Variants in AKNA observed in about 807,000 individuals in gnomAD.
The protein encoded by AKNA is AT-hook transcription factor.
Under a neutral mutation model 138.8 loss-of-function variants are expected in AKNA, and 67 were observed. The observed-to-expected ratio is 0.48, with a 90% CI of 0.40 to 0.59. The LOEUF (loss-of-function observed/expected upper bound fraction) is 0.59. Among genes scored for constraint, AKNA ranks in the 20% least tolerant of loss-of-function variants. AKNA has a pLI of 0.00. For synonymous variants in AKNA, 737 were observed against 754.4 expected (o/e 0.98, Z 0.38); for missense variants, 1,813 against 1,880.4 (o/e 0.96, Z 0.66).
rs1351363437 is a variant in AKNA at position 114,377,096 on chromosome 9, C to G, written c.711G>C (p.Glu237Asp). 1 of 1,614,140 alleles carries G rather than the reference C, an allele frequency of 6.2e-7. No homozygotes were observed. Among genetic ancestry groups the G allele is most frequent in the South Asian group, 1.1e-5 (1 of 91,086 alleles). The change falls in exon 3 of 22, where the codon GAG becomes GAC. Residue 237 changes from glutamate (E) to aspartate (D), a missense_variant. By Grantham distance (45) the Glu-to-Asp change is conservative. Coordinates refer to ENST00000374088, the MANE Select transcript of AKNA (RefSeq NM_001317950.2). ...GGCTTAGGAGGTGGTGGCTGGGGCCCTCTGGCAAGGTTTCTGCCAGGGCAG... is the reference window on the plus strand; with the variant it reads ...GGCTTAGGAGGTGGTGGCTGGGGCCGTCTGGCAAGGTTTCTGCCAGGGCAG... ...QPTALAETLPEGPSHHLLSPD... is the reference protein window; with the variant it reads ...QPTALAETLPDGPSHHLLSPD...
rs183793963 is a variant in AKNA, at chr9:114,381,947, C to T, written c.-113-501G>A. Among the ~76,000 whole-genome samples the T allele has an allele frequency of 1.2e-3, 189 of 152,274 alleles. 1 individual carries two copies. Among genetic ancestry groups the T allele is most frequent in the Non-Finnish European group, 2.4e-3 (160 of 68,022 alleles). ...TACAGGTGTGAGCCACCATGCCCGG[C>T]CCCCTCCAGGGTTTTATAAACTAGA... On this transcript the variant is annotated intron_variant, in intron 1 of 21. Coordinates refer to ENST00000374088, the MANE Select transcript of AKNA (RefSeq NM_001317950.2).
intron 2 of AKNA, among the ~76,000 whole-genome samples, chr9:114,379,453 A>G (rs1833479728): frequency 6.6e-6 from 1 of 152,164 alleles, no homozygotes; most frequent in East Asian, 1.9e-4. Context: ...GACCCAGTGC[A>G]TCTCAGTCAC....
At chr9:114,364,452 T>A (rs1832191959) in intron 7 of AKNA, 108 bp downstream of exon 7, 1 of 1,145,514 alleles carries the variant, frequency 8.7e-7, no homozygotes, top group South Asian at 1.2e-5. Context: ...AGACCCTGTG[T>A]CTGGGATTCT....
intron 21 of AKNA, among the ~76,000 whole-genome samples, chr9:114,340,286 A>C (rs1422702737): frequency 6.6e-6 from 1 of 152,164 alleles, no homozygotes; most frequent in African/African-American, 2.4e-5. Context: ...ATCCAGTCCC[A>C]ATCGACTCAT....
Position 114,352,320 on chromosome 9 carries a change from G to A in AKNA, c.3059-1299C>T, listed in dbSNP as rs573700914. ...CAAATAAAAAGTTTAATTAAAGGCC[G>A]GGCGTGGCGGCTCACACCTATAATC... On this transcript the variant is annotated intron_variant, in intron 14 of 21. Coordinates refer to ENST00000374088, the MANE Select transcript of AKNA (RefSeq NM_001317950.2). Among the ~76,000 whole-genome samples, 45 of 152,302 alleles carry A rather than the reference G, an allele frequency of 3.0e-4. 3 individuals are homozygous for A. In the South Asian group the frequency reaches 3.7e-3, roughly 13 times the overall value.
chr9:114,353,948 T>C (rs917315899), intron 14 of AKNA, among the ~76,000 whole-genome samples: 1 of 152,240 alleles, frequency 6.6e-6, no homozygotes, highest in Non-Finnish European at 1.5e-5. Flanking sequence ...AGGACATTAC[T>C]GTACACTGCT....
At chr9:114,331,936 G>C, downstream of AKNA, 1 of 1,612,528 alleles carries the variant, frequency 6.2e-7, no homozygotes, top group South Asian at 1.1e-5. Flanking sequence ...AAAGGTAAAC[G>C]CAAGGGATTG....
intron 2 of AKNA, 25 bp from the exon 3 acceptor site, chr9:114,377,557 T>G: frequency 1.9e-6 from 3 of 1,567,798 alleles, no homozygotes; most frequent in Non-Finnish European, 2.6e-6. Flanking sequence ...CATTCACTTC[T>G]TAGCATATAC....
chr9:114,337,012 T>TTGGGGGGGGGGGG lies in AKNA; in HGVS notation c.*41_*42insCCCCCCCCCCCCA. The TTGGGGGGGGGGGG allele has an allele frequency of 4.2e-4, 502 of 1,207,982 alleles. No homozygotes were observed. Among genetic ancestry groups the TTGGGGGGGGGGGG allele is most frequent in the Non-Finnish European group, 4.9e-4 (451 of 929,150 alleles). The allele number at this position is 1,207,982 out of a possible 1,614,324, so 74.8% of individuals were successfully genotyped here. ...CCCACTCCTGGCCTGGCAGGCCACCTGCCCACCCACCCACCCATCTGCCTC... is the reference window on the plus strand; with the variant it reads ...CCCACTCCTGGCCTGGCAGGCCACCTTGGGGGGGGGGGGGCCCACCCACCCACCCATCTGCCTC... On this transcript the variant is annotated 3_prime_UTR_variant, in exon 22 of 22. Transcript: ENST00000374088.
chr9:114,351,788 G>A (rs1249642376), intron 14 of AKNA, among the ~76,000 whole-genome samples: 1 of 152,040 alleles, frequency 6.6e-6, no homozygotes, highest in East Asian at 1.9e-4. Flanking sequence ...CCATAATGGC[G>A]ACACTGCACT....
chr9:114,355,883 T>G (rs1423370521), intron 14 of AKNA, 42 bp downstream of exon 14: 2 of 1,574,980 alleles, frequency 1.3e-6, no homozygotes, highest in Non-Finnish European at 1.7e-6. Context: ...ATTTGATTTT[T>G]CAACCCATGC....
chr9:114,390,793 C>T (rs1413494006), upstream of AKNA, among the ~76,000 whole-genome samples: 1 of 152,210 alleles, frequency 6.6e-6, no homozygotes, highest in African/African-American at 2.4e-5. Context: ...ACAGATGTGT[C>T]CTGCTCCTCC....
chr9:114,385,277 G>T lies in AKNA; in HGVS notation c.-114+2583C>A, dbSNP rs899288836. Among the ~76,000 whole-genome samples, 3 of 152,290 alleles carry T rather than the reference G, an allele frequency of 2.0e-5. No individual in the cohort carries two copies. In the South Asian group the frequency reaches 6.2e-4, roughly 32 times the overall value. ...CAGTGTGCTTAAGAATCCTCTAAGC[G>T]TGCAGTTTCCTGAAACAACCTGCAG... On this transcript the variant is annotated intron_variant, in intron 1 of 21. Transcript: ENST00000374088.
At chr9:114,338,982 A>C (rs1175857053) in intron 21 of AKNA, among the ~76,000 whole-genome samples, 3 of 152,180 alleles carry the variant, frequency 2.0e-5, no homozygotes, top group African/African-American at 4.8e-5. Context: ...TTGCATCCCC[A>C]AAACAGCAGC....
In AKNA at chr9:114,359,986, C is replaced by G. The variant is rs1397714914; in HGVS notation, c.2201G>C (p.Ser734Thr). The G allele has an allele frequency of 1.9e-6, 3 of 1,614,136 alleles. No homozygotes were observed. Among genetic ancestry groups the G allele is most frequent in the East Asian group, 4.5e-5 (2 of 44,904 alleles). ...GTCCTGTGGCCTGTCCTCCACCTCA[C>G]TGTTGCCAGAGCTCACCTCCACATT... ...HVNVEVSSGNSEVEDRPQDPL... is the reference protein window; with the variant it reads ...HVNVEVSSGNTEVEDRPQDPL... The change falls in exon 10 of 22, where the codon AGT (serine) becomes ACT (threonine). Residue 734 changes from serine (S) to threonine (T), a missense_variant. Physicochemically the swap from Ser to Thr is moderately conservative, Grantham distance 58. Coordinates refer to ENST00000374088, the MANE Select transcript of AKNA (RefSeq NM_001317950.2).
chr9:114,390,182 C>T (rs1225255203), upstream of AKNA, among the ~76,000 whole-genome samples: 5 of 152,150 alleles, frequency 3.3e-5, no homozygotes, highest in Admixed American at 6.5e-5. Flanking sequence ...CAAGGAGAAC[C>T]GCCTGCAGTG....
At chr9:114,354,851 C>T (rs903599332) in intron 14 of AKNA, among the ~76,000 whole-genome samples, 2 of 149,898 alleles carry the variant, frequency 1.3e-5, no homozygotes, top group African/African-American at 2.5e-5. Flanking sequence ...TGTACATAAT[C>T]GTAGGTGCTA....
intron 8 of AKNA, among the ~76,000 whole-genome samples, 167 bp downstream of exon 8, chr9:114,362,239 A>T (rs2636901): frequency 0.52 from 79,138 of 151,996 alleles, 20,608 homozygotes; most frequent in Middle Eastern, 0.61. Flanking sequence ...GACTCAAATC[A>T]CAGCTTTTGA....
Position 114,350,754 on chromosome 9 carries a change from T to A in AKNA, c.3221+105A>T, listed in dbSNP as rs747408008. Reference sequence around the variant, plus strand: ...GGTCCGTCTGCTCCTACCACCACCATCTGTGTGAGCTGGGCAGGTCTCCAC... The same window carrying A: ...GGTCCGTCTGCTCCTACCACCACCAACTGTGTGAGCTGGGCAGGTCTCCAC... On this transcript the variant is annotated intron_variant, in intron 15 of 21. Coordinates refer to ENST00000374088, the MANE Select transcript of AKNA (RefSeq NM_001317950.2). 77 of 1,318,886 alleles carry A rather than the reference T, an allele frequency of 5.8e-5. 1 individual carries two copies. The highest frequency in any genetic ancestry group is 7.5e-5 in the Non-Finnish European group (73 of 979,550). 81.7% of individuals were successfully genotyped at this position (1,318,886 alleles called of 1,614,324 possible). A position where few individuals can be genotyped will look rare whatever the true frequency, so the allele number is the denominator to read the frequency against.
Sources: allele counts gnomAD v4.1 joint callset (sites outside exome capture counted in the v4.1 genomes callset), GRCh38; gene constraint gnomAD v4.1.1; transcripts MANE v1.5; gene names NCBI Gene and HGNC (gene_info 2026-07-23, HGNC 2026-07-21).